GFRA2: variants seen among roughly 807,000 people sequenced by gnomAD.
The protein encoded by GFRA2 is GDNF family receptor alpha 2, also known as GDNF family receptor alpha-2.
Under a neutral mutation model 48.3 loss-of-function variants are expected in GFRA2, and 17 were observed. That is an observed-to-expected ratio of 0.35 (90% CI 0.24 to 0.53). The LOEUF is 0.53. GFRA2 is among the 20% of genes least tolerant of loss of function. The pLI, the probability that GFRA2 is intolerant of heterozygous loss-of-function variation, is 0.93. For synonymous variants in GFRA2, 305 were observed against 257.2 expected (o/e 1.19, Z -1.78); for missense variants, 660 against 637.3 (o/e 1.04, Z -0.38).
upstream of GFRA2, among the ~76,000 whole-genome samples, chr8:21,793,243 T>C (rs963927407): frequency 3.3e-3 from 503 of 152,278 alleles, 4 homozygotes; most frequent in African/African-American, 0.012. Context: ...AGCAGGCAAC[T>C]GACATGATGA....
chr8:21,719,651 G>C (rs886389673), intron 4 of GFRA2, among the ~76,000 whole-genome samples: 2 of 152,202 alleles, frequency 1.3e-5, no homozygotes, highest in South Asian at 2.1e-4. Flanking sequence ...TGTGTTAAGA[G>C]TGTGGTTAGC....
chr8:21,721,906 C>T (rs1272025157), intron 4 of GFRA2, among the ~76,000 whole-genome samples: 28 of 152,154 alleles, frequency 1.8e-4, no homozygotes. Context: ...ATTGGGCCCT[C>T]CATTCCAAGC....
At chr8:21,701,289 G>A (rs1032389364) in intron 7 of GFRA2, among the ~76,000 whole-genome samples, 15 of 152,214 alleles carry the variant, frequency 9.9e-5, no homozygotes, top group African/African-American at 3.4e-4. Context: ...AGCTACTCGG[G>A]AGGCTGAGGC....
At position 21,774,985 on chromosome 8, in the gene GFRA2, A is replaced by G. The variant is rs1585327900; in HGVS notation, c.426T>C (p.Ala142=). The G allele has an allele frequency of 4.4e-6, 7 of 1,594,072 alleles. No individual in the cohort carries two copies. The East Asian group carries it at 1.6e-4, about 36-fold the overall frequency. ...TSRLSDIFRL[A]SIFSGTGADP... ...GAGCTCACTTACCTGAGAAGATTGA[A>G]GCAAGCCTGAAGATGTCCGAGAGGC... Residue 142 remains alanine (A), a synonymous_variant, in exon 3 of 9, where the codon GCT becomes GCC. Coordinates refer to ENST00000524240, the MANE Select transcript of GFRA2 (RefSeq NM_001495.5).
At chr8:21,719,938 C>T (rs1331132394) in intron 4 of GFRA2, among the ~76,000 whole-genome samples, 1 of 152,200 alleles carries the variant, frequency 6.6e-6, no homozygotes, top group Admixed American at 6.5e-5. Context: ...TTCTTCTGCT[C>T]TTAGTTCTAG....
chr8:21,788,667 C>T lies in GFRA2; in HGVS notation c.-508G>A, dbSNP rs892144326. On this transcript the variant is annotated 5_prime_UTR_variant, in exon 1 of 9. Transcript: ENST00000524240. ...GCGCCCAAGAACAATCCAGTCGGAG[C>T]TTCGAGGACGAGAGACTGGAGTCGC... 3.0e-6 allele frequency: 3 copies of T among 986,176 alleles called. No individual in the cohort carries two copies. Among genetic ancestry groups the T allele is most frequent in the Non-Finnish European group, 3.6e-6 (3 of 830,560 alleles). The allele number at this position is 986,176 out of a possible 1,614,324, so 61.1% of individuals were successfully genotyped here.
At chr8:21,752,584 G>A (rs1805347093) in intron 3 of GFRA2, among the ~76,000 whole-genome samples, 1 of 151,978 alleles carries the variant, frequency 6.6e-6, no homozygotes, top group South Asian at 2.1e-4. Flanking sequence ...CACCATCACT[G>A]TGCTTCCAAC....
chr8:21,719,924 C>G (rs973555622), intron 4 of GFRA2, among the ~76,000 whole-genome samples: 1 of 152,170 alleles, frequency 6.6e-6, no homozygotes, highest in East Asian at 1.9e-4. Flanking sequence ...TCTCATTAGC[C>G]AAGTTCTTCT....
intron 3 of GFRA2, among the ~76,000 whole-genome samples, chr8:21,761,357 A>C (rs1415032167): frequency 6.6e-6 from 1 of 152,254 alleles, no homozygotes; most frequent in Non-Finnish European, 1.5e-5. Flanking sequence ...CAGGTGAGAG[A>C]TCACAAGTAA....
chr8:21,756,334 G>A (rs183196831), intron 3 of GFRA2, among the ~76,000 whole-genome samples: 1 of 152,312 alleles, frequency 6.6e-6, no homozygotes, highest in African/African-American at 2.4e-5. Context: ...GCTCCTACCT[G>A]GTTACCAGGA....
chr8:21,768,095 C>T lies in GFRA2; in HGVS notation c.439+6877G>A, dbSNP rs375492831. Among the ~76,000 whole-genome samples, 31 of 152,314 alleles carry T rather than the reference C, an allele frequency of 2.0e-4. 1 individual carries two copies. The highest frequency in any genetic ancestry group is 2.6e-4 in the Non-Finnish European group (18 of 68,016). ...TGAGAGTCACTGGGTCACCTCTCTC[C>T]ACCTCCTGACAGTCCACCTCTCCTC... On this transcript the variant is annotated intron_variant, in intron 3 of 8. Transcript: ENST00000524240.
At chr8:21,782,473 C>T in intron 2 of GFRA2, 112 bp downstream of exon 2, 1 of 771,504 alleles carries the variant, frequency 1.3e-6, no homozygotes, top group Non-Finnish European at 2.1e-6. Flanking sequence ...ACATAGAGAG[C>T]TGGCCAGTTT....
chr8:21,757,398 T>C (rs1469455446), intron 3 of GFRA2, among the ~76,000 whole-genome samples: 1 of 152,260 alleles, frequency 6.6e-6, no homozygotes, highest in Non-Finnish European at 1.5e-5. Context: ...ATTTGGCTTT[T>C]ATATTGAGCT....
intron 4 of GFRA2, among the ~76,000 whole-genome samples, chr8:21,730,993 GC>G (rs1384084729): frequency 6.6e-6 from 1 of 152,088 alleles, no homozygotes; most frequent in Non-Finnish European, 1.5e-5. Flanking sequence ...GGGAATTCTG[GC>G]CCCGGGCTCC....
At chr8:21,795,739 G>T (rs1041871461) in intron 2 of GFRA2, among the ~76,000 whole-genome samples, 4 of 152,148 alleles carry the variant, frequency 2.6e-5, no homozygotes, top group African/African-American at 9.7e-5. Context: ...CATGACCAAG[G>T]TTACAACATA....
chr8:21,810,747 C>T (rs1807962737), intron 1 of GFRA2, among the ~76,000 whole-genome samples: 1 of 152,144 alleles, frequency 6.6e-6, no homozygotes, highest in African/African-American at 2.4e-5. Flanking sequence ...GGAGTTGGTG[C>T]AGGCTTCTGG....
At chr8:21,758,331 C>T (rs1438678206) in intron 3 of GFRA2, among the ~76,000 whole-genome samples, 2 of 152,150 alleles carry the variant, frequency 1.3e-5, no homozygotes, top group African/African-American at 2.4e-5. Context: ...TCCCCCTCTG[C>T]CACCTCCCAA....
rs200388844 is a variant in GFRA2, at chr8:21,702,845, C to G, written c.1178G>C (p.Ser393Thr). The change falls in exon 7 of 9, where the codon AGC (serine) becomes ACC (threonine). Residue 393 changes from serine to threonine, a missense_variant. Physicochemically the swap from Ser to Thr is moderately conservative, Grantham distance 58 (BLOSUM62 1). Coordinates refer to ENST00000524240, the MANE Select transcript of GFRA2 (RefSeq NM_001495.5). ...GGTGGTGATGACACTGGTCCCCAAG[C>G]TGGTACTGTCACTGAGGTCATCTGG... ...SLPDDLSDST[S>T]LGTSVITTCT... The G allele has an allele frequency of 2.5e-6, 4 of 1,609,950 alleles. No homozygotes were observed. Among genetic ancestry groups the G allele is most frequent in the Admixed American group, 3.3e-5 (2 of 59,722 alleles).
intron 4 of GFRA2, among the ~76,000 whole-genome samples, chr8:21,736,762 C>A (rs1804484234): frequency 6.6e-6 from 1 of 152,028 alleles, no homozygotes; most frequent in Non-Finnish European, 1.5e-5. Context: ...AAAGTGCTGG[C>A]ATTACTGGCA....
Sources: gnomAD v4.1 joint callset for allele counts (sites outside exome capture counted in the v4.1 genomes callset) on GRCh38, gnomAD v4.1.1 for gene constraint, MANE v1.5 for transcripts, NCBI Gene and HGNC (gene_info 2026-07-23, HGNC 2026-07-21) for gene names.